AP2A2: variants seen among roughly 807,000 people sequenced by gnomAD.
AP2A2 encodes adaptor related protein complex 2 subunit alpha 2.
A neutral mutation model predicts 104.2 loss-of-function variants in AP2A2; 32 were observed. That is an observed-to-expected ratio of 0.31 (90% CI 0.23 to 0.41). AP2A2 has a LOEUF of 0.41. Among genes scored for constraint, AP2A2 ranks in the 10% least tolerant of loss-of-function variants. The pLI is 1.00. For missense variants in AP2A2, 912 were observed against 1,261.0 expected (o/e 0.72, Z 4.19); for synonymous variants, 539 against 533.3 (o/e 1.01, Z -0.15).
intron 1 of AP2A2, among the ~76,000 whole-genome samples, chr11:937,758 C>G (rs1853506973): frequency 6.6e-6 from 1 of 152,254 alleles, no homozygotes; most frequent in African/African-American, 2.4e-5. Flanking sequence ...TGTACGATTT[C>G]TACTGAGTGC....
chr11:971,425 T>A (rs1418819937), intron 3 of AP2A2, among the ~76,000 whole-genome samples: 1 of 152,110 alleles, frequency 6.6e-6, no homozygotes, highest in Non-Finnish European at 1.5e-5. Context: ...CGTGGCGTCT[T>A]CCTGGGAGCC....
intron 1 of AP2A2, among the ~76,000 whole-genome samples, chr11:938,477 GT>G (rs1170166405): frequency 9.3e-4 from 131 of 140,980 alleles, no homozygotes; most frequent in Middle Eastern, 3.6e-3. Context: ...ATGTTTGTAT[GT>G]TTTTTTTTTT....
intron 8 of AP2A2, 28 bp downstream of exon 8, chr11:985,610 C>T (rs765548758): frequency 8.1e-6 from 13 of 1,613,084 alleles, no homozygotes; most frequent in Admixed American, 3.3e-5. Context: ...GGAGAGGCTT[C>T]GTCTCGCGCA....
At chr11:935,951 G>A (rs1244132970) in intron 1 of AP2A2, among the ~76,000 whole-genome samples, 1 of 150,016 alleles carries the variant, frequency 6.7e-6, no homozygotes, top group Non-Finnish European at 1.5e-5. Context: ...TCCCAGGTTG[G>A]AGTGCAATGG....
At chr11:945,225 C>T (rs753834688) in intron 1 of AP2A2, among the ~76,000 whole-genome samples, 16 of 152,040 alleles carry the variant, frequency 1.1e-4, no homozygotes, top group Non-Finnish European at 1.5e-4. Context: ...TAGTGGGGCA[C>T]GGGAATGTGG....
At chr11:928,233 T>A (rs1853180361) in intron 1 of AP2A2, among the ~76,000 whole-genome samples, 1 of 152,238 alleles carries the variant, frequency 6.6e-6, no homozygotes, top group Admixed American at 6.5e-5. Context: ...GTGAGCATAG[T>A]ACAATAAGAT....
chr11:931,154 CCT>C (rs1853279621), intron 1 of AP2A2, among the ~76,000 whole-genome samples: 1 of 152,094 alleles, frequency 6.6e-6, no homozygotes, highest in African/African-American at 2.4e-5. Context: ...CTTTTTTCCC[CCT>C]CAGTACAGTC....
At chr11:939,501 G>A (rs866748648) in intron 1 of AP2A2, among the ~76,000 whole-genome samples, 88 of 151,936 alleles carry the variant, frequency 5.8e-4, no homozygotes, top group African/African-American at 2.1e-3. Flanking sequence ...CTGGAGTACA[G>A]TGGTGGGATC....
chr11:1,001,836 C>T (rs1019063437), intron 15 of AP2A2, among the ~76,000 whole-genome samples: 4 of 152,176 alleles, frequency 2.6e-5, no homozygotes, highest in Non-Finnish European at 5.9e-5. Flanking sequence ...CTTGTGCACG[C>T]CTCACATTGG....
rs1457300012 is a variant in AP2A2, at chr11:968,372, G to T, written c.137-1797G>T. Among the ~76,000 whole-genome samples, 3 of 152,030 alleles carry T rather than the reference G, an allele frequency of 2.0e-5. No individual in the cohort carries two copies. The highest frequency in any genetic ancestry group is 7.2e-5 in the African/African-American group (3 of 41,392). On this transcript the variant is annotated intron_variant, in intron 2 of 21. Coordinates refer to ENST00000448903, the MANE Select transcript of AP2A2 (RefSeq NM_012305.4). This position sits in a 1 kb window ranked among gnomAD's most constrained non-coding sequence, Gnocchi z 4.2. Reference sequence around the variant, plus strand: ...AGAGCAGCTCTTCGTCTGGGGTCCCGCGGGAGCAGAGGCTGGTCGGCTCCT... The same window carrying T: ...AGAGCAGCTCTTCGTCTGGGGTCCCTCGGGAGCAGAGGCTGGTCGGCTCCT...
At chr11:1,004,147 C>T (rs1856120118) in intron 16 of AP2A2, among the ~76,000 whole-genome samples, 2 of 152,184 alleles carry the variant, frequency 1.3e-5, no homozygotes, top group African/African-American at 2.4e-5. Context: ...CCACAGTGAG[C>T]TACCACCTCA....
intron 6 of AP2A2, among the ~76,000 whole-genome samples, chr11:982,617 A>C (rs963862306): frequency 3.3e-5 from 5 of 151,996 alleles, no homozygotes; most frequent in African/African-American, 1.2e-4. Flanking sequence ...TTAACTGGTA[A>C]AAACATTTGA....
At chr11:975,132 C>T (rs1041786379) in intron 4 of AP2A2, among the ~76,000 whole-genome samples, 1 of 152,156 alleles carries the variant, frequency 6.6e-6, no homozygotes, top group Non-Finnish European at 1.5e-5. Context: ...AGGCAGCGGC[C>T]AAGGCAGAAG....
Position 1,003,530 on chromosome 11 carries a change from C to T in AP2A2, c.2124-192C>T, listed in dbSNP as rs184692269. The stretch of plus-strand genomic sequence containing the variant: ...TGCCGGGGCTGTGTCCGCGTCCCTG[C>T]GTCCTGCTCACCGTCCTCCTCCAGT... On this transcript the variant is annotated intron_variant, in intron 15 of 21. Transcript: ENST00000448903. 23 of 496,624 alleles carry T rather than the reference C, an allele frequency of 4.6e-5. No individual in the cohort carries two copies. The East Asian group carries it at 5.3e-4, about 12-fold the overall frequency. The allele number at this position is 496,624 out of a possible 1,614,324, so 30.8% of individuals were successfully genotyped here.
chr11:931,862 G>C (rs1045603246), intron 1 of AP2A2, among the ~76,000 whole-genome samples: 1 of 149,716 alleles, frequency 6.7e-6, no homozygotes, highest in Admixed American at 6.7e-5. Context: ...GGAGTGCAGC[G>C]GTGTGATCTC....
chr11:968,493 C>T lies in AP2A2; in HGVS notation c.137-1676C>T, dbSNP rs754182181. 2.0e-5 allele frequency among the ~76,000 whole-genome samples: 3 copies of T among 152,190 alleles called. No individual in the cohort carries two copies. Among genetic ancestry groups the T allele is most frequent in the South Asian group, 2.1e-4 (1 of 4,830 alleles). On this transcript the variant is annotated intron_variant, in intron 2 of 21. Transcript: ENST00000448903. This position sits in a 1 kb window ranked among gnomAD's most constrained non-coding sequence, Gnocchi z 4.2. ...CCCACAAAACTCAGCCCAGTCGGGC[C>T]GCTGGTCCTCTCCCCTGTCAGTTAT...
chr11:984,767 C>T lies in AP2A2; in HGVS notation c.814+14C>T, dbSNP rs755208162. On this transcript the variant is annotated intron_variant, in intron 7 of 21. Transcript: ENST00000448903. ...ACCCACCCCCAGGTAACGCGCAGGC[C>T]GCGGCTCCTGAAGCTGCACCAGTGC... The T allele has an allele frequency of 6.9e-5, 109 of 1,577,998 alleles. No homozygotes were observed. The highest frequency in any genetic ancestry group is 2.2e-4 in the East Asian group (10 of 44,728).
rs61027336 is a variant in AP2A2, at chr11:959,811, G to A, written c.136+306G>A. ...GTTCAGAGGACAGACACCAAGTACG[G>A]GAAGTGCTCTGTGTAAGGCGCCACC... On this transcript the variant is annotated intron_variant, in intron 2 of 21. Transcript: ENST00000448903. 7.9e-5 allele frequency among the ~76,000 whole-genome samples: 12 copies of A among 152,242 alleles called. No homozygotes were observed. In the East Asian group the frequency reaches 2.3e-3, roughly 29 times the overall value.
At chr11:927,267 G>A (rs1017845704) in intron 1 of AP2A2, among the ~76,000 whole-genome samples, 10 of 151,904 alleles carry the variant, frequency 6.6e-5, no homozygotes, top group Admixed American at 2.6e-4. Context: ...GTCTCGCCAT[G>A]TTGCCTAGGC....
Sources: gnomAD v4.1 joint callset for allele counts (sites outside exome capture counted in the v4.1 genomes callset) on GRCh38, gnomAD v4.1.1 for gene constraint, Gnocchi (gnomAD v3.1) non-coding constraint, MANE v1.5 for transcripts, NCBI Gene and HGNC (gene_info 2026-07-23, HGNC 2026-07-21) for gene names.